Variants in RASGRP3 observed in about 807,000 individuals in gnomAD.
RASGRP3 encodes ras guanyl-releasing protein 3.
In RASGRP3, 54 loss-of-function variants were observed where a neutral mutation model predicts 82.7. The ratio of observed to expected loss-of-function variants is 0.65; its 90% CI spans 0.52 to 0.82. The LOEUF (loss-of-function observed/expected upper bound fraction) is 0.82, where lower values mean the gene tolerates loss of function less well. Ranked by LOEUF, RASGRP3 falls within the 40% of genes least tolerant of loss-of-function variation. RASGRP3 has a pLI of 0.00. For missense variants in RASGRP3, 861 were observed against 828.9 expected (o/e 1.04, Z -0.48); for synonymous variants, 309 against 300.5 (o/e 1.03, Z -0.29).
In RASGRP3 at chr2:33,540,769, A is replaced by G. The variant is rs2151072689; in HGVS notation, c.1278+1559A>G. On this transcript the variant is annotated intron_variant, in intron 12 of 17. Transcript: ENST00000403687. ...CCGCAAAAAATCTTCTACTCGTGGT[A>G]TAAATATGGATGTTAAACTATAAAT... 1.4e-5 allele frequency among the ~76,000 whole-genome samples: 2 copies of G among 146,140 alleles called. 1 individual carries two copies. Among genetic ancestry groups the G allele is most frequent in the Middle Eastern group, 7.0e-3 (2 of 286 alleles).
chr2:33,562,533 A>T (rs1353938218), intron 17 of RASGRP3, among the ~76,000 whole-genome samples, 196 bp from the exon 18 acceptor site: 1 of 152,044 alleles, frequency 6.6e-6, no homozygotes, highest in African/African-American at 2.4e-5. Flanking sequence ...AGCCTCCCAA[A>T]GCTCTGGGAT....
rs151260995 is a variant in RASGRP3 at position 33,510,970 on chromosome 2, T to C, written c.-260-740T>C. Reference sequence around the variant, plus strand: ...TGTCCTAGGCAACCTCAGAAGGATGTTTTTTGACAATAGAGGCTTCACAAG... The same window carrying C: ...TGTCCTAGGCAACCTCAGAAGGATGCTTTTTGACAATAGAGGCTTCACAAG... On this transcript the variant is annotated intron_variant, in intron 1 of 17. Transcript: ENST00000403687. Among the ~76,000 whole-genome samples, 49 of 152,300 alleles carry C rather than the reference T, an allele frequency of 3.2e-4. 1 individual carries two copies. The highest frequency in any genetic ancestry group is 1.1e-3 in the African/African-American group (46 of 41,582).
chr2:33,525,625 G>A (rs1438240730), intron 9 of RASGRP3, among the ~76,000 whole-genome samples: 1 of 150,390 alleles, frequency 6.6e-6, no homozygotes, highest in Non-Finnish European at 1.5e-5. Context: ...CACTTTGGGA[G>A]GTGGAGGTGG....
intron 2 of RASGRP3, among the ~76,000 whole-genome samples, chr2:33,469,108 C>G (rs1312531999): frequency 6.6e-6 from 1 of 152,080 alleles, no homozygotes; most frequent in Non-Finnish European, 1.5e-5. Context: ...TTTAGGGAAG[C>G]TGACTTTTTC....
chr2:33,454,911 A>T (rs1236054786), intron 2 of RASGRP3, among the ~76,000 whole-genome samples: 1 of 152,210 alleles, frequency 6.6e-6, no homozygotes, highest in Non-Finnish European at 1.5e-5. Flanking sequence ...TTAGGGAATC[A>T]TCCACCTCAA....
At chr2:33,551,278 A>G (rs541739564) in intron 14 of RASGRP3, among the ~76,000 whole-genome samples, 1 of 152,180 alleles carries the variant, frequency 6.6e-6, no homozygotes, top group Non-Finnish European at 1.5e-5. Flanking sequence ...ATGCCACTGC[A>G]CTCCAGCCTG....
chr2:33,461,054 C>G (rs1666336579), intron 2 of RASGRP3, among the ~76,000 whole-genome samples: 1 of 152,170 alleles, frequency 6.6e-6, no homozygotes, highest in Non-Finnish European at 1.5e-5. Context: ...TTTCCATCAA[C>G]CAAGAAGATT....
At chr2:33,494,061 CT>C (rs1469304171) in intron 1 of RASGRP3, among the ~76,000 whole-genome samples, 2 of 152,136 alleles carry the variant, frequency 1.3e-5, no homozygotes, top group African/African-American at 2.4e-5. Context: ...GAATATTTTC[CT>C]TTCTTTTACT....
chr2:33,504,427 A>G (rs1233418121), intron 1 of RASGRP3, among the ~76,000 whole-genome samples: 2 of 152,192 alleles, frequency 1.3e-5, no homozygotes, highest in East Asian at 3.8e-4. Flanking sequence ...TGGGCTCTCT[A>G]CACCTCCAGC....
upstream of RASGRP3, chr2:33,476,299 T>C (rs1278094737): frequency 6.6e-6 from 1 of 152,234 alleles, no homozygotes; most frequent in Non-Finnish European, 1.5e-5. Flanking sequence ...CAGTGAAACT[T>C]GAGTGAGATG....
At chr2:33,521,189 G>T (rs1671998238) in intron 6 of RASGRP3, among the ~76,000 whole-genome samples, 2 of 152,190 alleles carry the variant, frequency 1.3e-5, no homozygotes, top group South Asian at 4.1e-4. Context: ...TGCTGCTGAG[G>T]TTGGCCTCAG....
chr2:33,543,896 C>T (rs532086246), intron 13 of RASGRP3, among the ~76,000 whole-genome samples: 388 of 152,266 alleles, frequency 2.5e-3, no homozygotes, highest in Non-Finnish European at 4.5e-3. Flanking sequence ...GCTTCTATTG[C>T]TTAGCTCTCA....
chr2:33,486,963 C>T (rs1313312573), intron 1 of RASGRP3, among the ~76,000 whole-genome samples: 1 of 151,926 alleles, frequency 6.6e-6, no homozygotes, highest in Non-Finnish European at 1.5e-5. Context: ...AAATTTCAAC[C>T]ATATATAAAA....
chr2:33,519,978 G>T lies in RASGRP3; in HGVS notation c.200G>T (p.Cys67Phe). The change falls in exon 5 of 18, where the codon TGC (cysteine) becomes TTC (phenylalanine). Residue 67 changes from cysteine (C) to phenylalanine (F), a missense_variant. Cys to Phe is a radical substitution (Grantham distance 205). Coordinates refer to ENST00000403687, the MANE Select transcript of RASGRP3 (RefSeq NM_001139488.2). Reference protein sequence around the residue: ...CMYRNATGESCNEFRLKICYF... With the variant: ...CMYRNATGESFNEFRLKICYF... ...TATCGAAATGCCACTGGAGAAAGCT[G>T]CAATGAATTTCGATTAAAGATCTGC... 6.2e-7 allele frequency: 1 copy of T among 1,610,376 alleles called. No individual in the cohort carries two copies. The highest frequency in any genetic ancestry group is 8.5e-7 in the Non-Finnish European group (1 of 1,178,298).
At chr2:33,516,331 C>T (rs1356549282) in intron 3 of RASGRP3, among the ~76,000 whole-genome samples, 5 of 152,222 alleles carry the variant, frequency 3.3e-5, no homozygotes, top group South Asian at 4.1e-4. Context: ...TGTTTGAACC[C>T]GGGAGGTGGA....
chr2:33,552,476 G>C (rs1032538042), intron 14 of RASGRP3, among the ~76,000 whole-genome samples: 1 of 151,972 alleles, frequency 6.6e-6, no homozygotes. Context: ...AGCTGTTTTT[G>C]TTTTTAAAAT....
intron 1 of RASGRP3, among the ~76,000 whole-genome samples, chr2:33,484,746 T>TGC (rs1668222695): frequency 6.6e-6 from 1 of 152,156 alleles, no homozygotes; most frequent in Non-Finnish European, 1.5e-5. Flanking sequence ...GGTAGACAGA[T>TGC]TAGCACTCTT....
intron 2 of RASGRP3, among the ~76,000 whole-genome samples, chr2:33,466,703 G>T (rs116689380): frequency 2.6e-5 from 4 of 151,840 alleles, no homozygotes; most frequent in African/African-American, 9.7e-5. Flanking sequence ...AGATTTCAGC[G>T]GAGGAGGTAA....
upstream of RASGRP3, among the ~76,000 whole-genome samples, chr2:33,473,227 C>CA (rs1667164936): frequency 6.6e-6 from 1 of 151,922 alleles, no homozygotes; most frequent in South Asian, 2.1e-4. Context: ...ACTAAAAATA[C>CA]AAAAAATTAG....
Sources: gnomAD v4.1 joint callset for allele counts (sites outside exome capture counted in the v4.1 genomes callset) on GRCh38, gnomAD v4.1.1 for gene constraint, MANE v1.5 for transcripts, NCBI Gene and HGNC (gene_info 2026-07-23, HGNC 2026-07-21) for gene names.